Variants in SPICE1 observed in about 807,000 individuals in gnomAD.
SPICE1 encodes the protein spindle and centriole associated protein 1.
Under a neutral mutation model 102.7 loss-of-function variants are expected in SPICE1, and 75 were observed. The observed-to-expected ratio is 0.73, with a 90% CI of 0.61 to 0.88. SPICE1 has a LOEUF of 0.88. Among genes scored for constraint, SPICE1 ranks in the 40% least tolerant of loss-of-function variants. The probability of loss-of-function intolerance (pLI) is 0.00; values close to 1 mark genes in which losing one functional copy is unlikely to be tolerated. For missense variants in SPICE1, 979 were observed against 1,020.1 expected (o/e 0.96, Z 0.55); for synonymous variants, 308 against 350.3 (o/e 0.88, Z 1.35).
At position 113,506,549 on chromosome 3, in the gene SPICE1, C is replaced by A. The variant is rs368441333; in HGVS notation, c.57G>T (p.Pro19=). Reference sequence around the variant, plus strand: ...CTGAAGTTTTCTTCTTCTTTACTTTCGGTGTCTTTCTTACACCAACTCGGG... The same window carrying A: ...CTGAAGTTTTCTTCTTCTTTACTTTAGGTGTCTTTCTTACACCAACTCGGG... ...CGPRVGVRKT[P]KVKKKKTSVK... The change falls in exon 2 of 18, where the codon CCG becomes CCT. Residue 19 remains proline (P), a synonymous_variant. Coordinates refer to ENST00000295872, the MANE Select transcript of SPICE1 (RefSeq NM_144718.4). 1.9e-6 allele frequency: 3 copies of A among 1,613,556 alleles called. No individual in the cohort carries two copies. The South Asian group carries it at 3.3e-5, about 18-fold the overall frequency.
chr3:113,449,923 T>C (rs1423789134), intron 15 of SPICE1: 1 of 159,986 alleles, frequency 6.3e-6, no homozygotes, highest in Admixed American at 6.1e-5. Context: ...TTCCTAAATG[T>C]AACAAAAAAT....
At chr3:113,496,375 A>G (rs899116534) in intron 4 of SPICE1, among the ~76,000 whole-genome samples, 2 of 152,010 alleles carry the variant, frequency 1.3e-5, no homozygotes, top group African/African-American at 4.8e-5. Context: ...TTAAACCTGT[A>G]AGTGGTGGTA....
chr3:113,474,504 G>C (rs1044121589), intron 7 of SPICE1, among the ~76,000 whole-genome samples: 6 of 151,936 alleles, frequency 3.9e-5, no homozygotes, highest in African/African-American at 9.7e-5. Flanking sequence ...AGCACCACAT[G>C]ACACCTATTC....
intron 1 of SPICE1, among the ~76,000 whole-genome samples, chr3:113,508,541 G>C (rs1197397050): frequency 6.6e-6 from 1 of 152,158 alleles, no homozygotes; most frequent in Non-Finnish European, 1.5e-5. Context: ...TTAGTCATTA[G>C]GGAAATGCCA....
rs141578873 is a variant in SPICE1 at position 113,479,007 on chromosome 3, C to G, written c.612-9769G>C. Among the ~76,000 whole-genome samples, 277 of 151,568 alleles carry G rather than the reference C, an allele frequency of 1.8e-3. 1 individual carries two copies. The highest frequency in any genetic ancestry group is 5.8e-3 in the African/African-American group (241 of 41,364). On this transcript the variant is annotated intron_variant, in intron 7 of 17. Transcript: ENST00000295872. ...ATTATTATTATACTTTAAGTTTTAGCGTACATGTGCACAATGTGCAAGTTA... is the reference window on the plus strand; with the variant it reads ...ATTATTATTATACTTTAAGTTTTAGGGTACATGTGCACAATGTGCAAGTTA...
intron 12 of SPICE1, chr3:113,459,450 AC>A: frequency 3.1e-6 from 3 of 975,032 alleles, no homozygotes; most frequent in Non-Finnish European, 3.7e-6. Flanking sequence ...ACAAAACAAA[AC>A]AAAACAAAAA....
At chr3:113,468,428 AT>A (rs1559963000) in intron 9 of SPICE1, 24 bp from the exon 10 acceptor site, 3 of 1,597,112 alleles carry the variant, frequency 1.9e-6, no homozygotes, top group African/African-American at 2.7e-5. Context: ...AAGTCATTCT[AT>A]TTTAAGACCA....
chr3:113,474,163 A>G (rs1164854529), intron 7 of SPICE1, among the ~76,000 whole-genome samples: 2 of 151,622 alleles, frequency 1.3e-5, no homozygotes, highest in Non-Finnish European at 2.9e-5. Flanking sequence ...CAGACTTTAA[A>G]CCAACAAAGA....
chr3:113,486,037 G>C lies in SPICE1; in HGVS notation c.611+2908C>G, dbSNP rs143404329. Among the ~76,000 whole-genome samples, 4 of 151,912 alleles carry C rather than the reference G, an allele frequency of 2.6e-5. No individual in the cohort carries two copies. In the East Asian group the frequency reaches 7.7e-4, roughly 29 times the overall value. The stretch of plus-strand genomic sequence containing the variant: ...GAAGCAGGAGAATCACTTGAACCTG[G>C]GATGTGGAGGTTGCAGTGAGCCAAG... On this transcript the variant is annotated intron_variant, in intron 7 of 17. Transcript: ENST00000295872.
chr3:113,456,615 G>T (rs902050060), intron 13 of SPICE1, among the ~76,000 whole-genome samples: 1 of 152,168 alleles, frequency 6.6e-6, no homozygotes, highest in African/African-American at 2.4e-5. Flanking sequence ...CCTGTGAGCT[G>T]CAAGAGTAAC....
chr3:113,514,828 C>G (rs1937291992), intron 1 of SPICE1, 69 bp downstream of exon 1: 2 of 1,253,428 alleles, frequency 1.6e-6, no homozygotes, highest in Admixed American at 5.0e-5. Context: ...GAAAGCGGTG[C>G]GCACGCGCAT....
chr3:113,494,508 G>A (rs1472359833), intron 4 of SPICE1, among the ~76,000 whole-genome samples: 6 of 151,930 alleles, frequency 3.9e-5, no homozygotes, highest in South Asian at 2.1e-4. Flanking sequence ...TTAGCCGGGC[G>A]TGGTAGCGGG....
chr3:113,473,856 G>A (rs1936268453), intron 7 of SPICE1, among the ~76,000 whole-genome samples: 1 of 151,912 alleles, frequency 6.6e-6, no homozygotes, highest in Admixed American at 6.6e-5. Context: ...AGACCATCGA[G>A]ACTAGGAAGA....
At chr3:113,495,229 TA>T (rs1936857770) in intron 4 of SPICE1, among the ~76,000 whole-genome samples, 1 of 152,184 alleles carries the variant, frequency 6.6e-6, no homozygotes, top group Non-Finnish European at 1.5e-5. Flanking sequence ...ATTCTCAAGT[TA>T]AAAAGTACCT....
intron 10 of SPICE1, among the ~76,000 whole-genome samples, chr3:113,466,904 C>T (rs1340753050): frequency 6.6e-6 from 1 of 151,954 alleles, no homozygotes; most frequent in Non-Finnish European, 1.5e-5. Flanking sequence ...CAAAAATTAG[C>T]TGGGTGTGGT....
At chr3:113,506,656 G>A in intron 1 of SPICE1, 51 bp from the exon 2 acceptor site, 5 of 1,429,266 alleles carry the variant, frequency 3.5e-6, no homozygotes, top group South Asian at 1.2e-5. Context: ...AAAACAATAA[G>A]CATCACCAGA....
intron 8 of SPICE1, 22 bp downstream of exon 8, chr3:113,469,077 A>G (rs530129108): frequency 1.2e-4 from 189 of 1,604,928 alleles, no homozygotes; most frequent in Non-Finnish European, 1.5e-4. Flanking sequence ...GCACCTAGAA[A>G]TAATGCAAAA....
chr3:113,492,181 G>A (rs1936781771), intron 6 of SPICE1, among the ~76,000 whole-genome samples: 1 of 152,236 alleles, frequency 6.6e-6, no homozygotes, highest in South Asian at 2.1e-4. Flanking sequence ...CCGGAAATAT[G>A]GTAAAAGGTT....
chr3:113,514,692 A>T, intron 1 of SPICE1: 1 of 1,073,782 alleles, frequency 9.3e-7, no homozygotes, highest in Non-Finnish European at 1.3e-6. Context: ...TCTGACATCC[A>T]TCGATTTAAA....
Sources: gnomAD v4.1 joint callset for allele counts (sites outside exome capture counted in the v4.1 genomes callset) on GRCh38, gnomAD v4.1.1 for gene constraint, MANE v1.5 for transcripts, NCBI Gene and HGNC (gene_info 2026-07-23, HGNC 2026-07-21) for gene names.